The following HSF2BP variants were observed in gnomAD, a reference collection of about 807,000 sequenced individuals.
HSF2BP encodes the protein heat shock factor 2-binding protein.
A neutral mutation model predicts 35.0 loss-of-function variants in HSF2BP; 35 were observed. The observed-to-expected ratio is 1.00, with a 90% CI of 0.76 to 1.32. HSF2BP has a LOEUF of 1.32. Among genes scored for constraint, HSF2BP ranks in the 40% most tolerant of loss-of-function variants. The pLI is 0.00. For missense variants in HSF2BP, 326 were observed against 321.7 expected (o/e 1.01, Z -0.10); for synonymous variants, 114 against 117.4 (o/e 0.97, Z 0.18).
At position 43,656,749 on chromosome 21, in the gene HSF2BP, A is replaced by G. The variant is rs772229059; in HGVS notation, c.37-12T>C. ...TTAGTTCCCATGTGCTAAAAGAACA[A>G]GCAGATCTTATTATATTTCTCTTCA... On this transcript the variant is annotated splice_polypyrimidine_tract_variant and intron_variant, in intron 2 of 8. Coordinates refer to ENST00000291560, the MANE Select transcript of HSF2BP (RefSeq NM_007031.2). The G allele has an allele frequency of 3.4e-5, 54 of 1,600,756 alleles. No individual in the cohort carries two copies. Among genetic ancestry groups the G allele is most frequent in the Non-Finnish European group, 4.5e-5 (53 of 1,176,064 alleles).
chr21:43,591,835 T>A (rs1291233217), intron 8 of HSF2BP, among the ~76,000 whole-genome samples: 3 of 152,210 alleles, frequency 2.0e-5, no homozygotes, highest in African/African-American at 2.4e-5. Flanking sequence ...GGGACATGAA[T>A]CATCCCTTTG....
At chr21:43,624,491 G>T (rs2082366621) in intron 6 of HSF2BP, among the ~76,000 whole-genome samples, 1 of 152,156 alleles carries the variant, frequency 6.6e-6, no homozygotes, top group South Asian at 2.1e-4. Context: ...GGCCTTTTCT[G>T]CACGCCACAC....
chr21:43,632,561 G>A (rs1362946685), intron 5 of HSF2BP, among the ~76,000 whole-genome samples: 1 of 152,032 alleles, frequency 6.6e-6, no homozygotes, highest in Non-Finnish European at 1.5e-5. Context: ...ATTTTCTTCA[G>A]TAAAAGTTAC....
At chr21:43,571,839 T>C (rs1182422139) in intron 8 of HSF2BP, among the ~76,000 whole-genome samples, 1 of 137,644 alleles carries the variant, frequency 7.3e-6, no homozygotes, top group African/African-American at 2.8e-5. Flanking sequence ...TCATGGACCC[T>C]GACCAGAGCC....
intron 7 of HSF2BP, among the ~76,000 whole-genome samples, chr21:43,612,966 A>G (rs2082227428): frequency 6.6e-6 from 1 of 152,170 alleles, no homozygotes. Flanking sequence ...ATTGCCTGGA[A>G]AAGAGGATTC....
At chr21:43,656,776 A>G (rs746041752) in intron 2 of HSF2BP, 39 bp from the exon 3 acceptor site, 4 of 1,569,196 alleles carry the variant, frequency 2.5e-6, no homozygotes, top group African/African-American at 1.4e-5. Flanking sequence ...TTCTCTTCAC[A>G]TGAGAAAAAA....
chr21:43,644,816 T>C (rs1198628232), intron 3 of HSF2BP, among the ~76,000 whole-genome samples: 1 of 152,200 alleles, frequency 6.6e-6, no homozygotes, highest in East Asian at 1.9e-4. Flanking sequence ...ACAAAGCTAG[T>C]GTCACCCACT....
chr21:43,587,908 T>G (rs2081875977), intron 8 of HSF2BP, among the ~76,000 whole-genome samples: 1 of 152,072 alleles, frequency 6.6e-6, no homozygotes, highest in South Asian at 2.1e-4. Flanking sequence ...CCCGGAAACT[T>G]CCGGAGGACC....
At position 43,618,267 on chromosome 21, in the gene HSF2BP, AAAAG is replaced by A. The variant is rs1256002781; in HGVS notation, c.575-4324_575-4321del. Among the ~76,000 whole-genome samples, 17 of 152,254 alleles carry A rather than the reference AAAAG, an allele frequency of 1.1e-4. No individual in the cohort carries two copies. In the South Asian group the frequency reaches 3.5e-3, roughly 32 times the overall value. On this transcript the variant is annotated intron_variant, in intron 6 of 8. Coordinates refer to ENST00000291560, the MANE Select transcript of HSF2BP (RefSeq NM_007031.2). ...TAAAGTGAGACCCCATTTAAAAAAA[AAAAG>A]AATCTGGTGTCAATTATTTGTGCTG...
intron 6 of HSF2BP, among the ~76,000 whole-genome samples, chr21:43,617,628 T>A (rs1211040831): frequency 6.6e-6 from 1 of 151,954 alleles, no homozygotes; most frequent in Non-Finnish European, 1.5e-5. Flanking sequence ...TGCTTATAGG[T>A]AATTCTAGAG....
intron 4 of HSF2BP, among the ~76,000 whole-genome samples, chr21:43,634,270 G>A (rs1481312448): frequency 6.6e-6 from 1 of 152,140 alleles, no homozygotes; most frequent in East Asian, 1.9e-4. Context: ...TGGCCCTCCT[G>A]ACAACACAAG....
chr21:43,610,880 T>C (rs2082195806), intron 7 of HSF2BP, among the ~76,000 whole-genome samples: 1 of 152,132 alleles, frequency 6.6e-6, no homozygotes, highest in African/African-American at 2.4e-5. Flanking sequence ...ACTACGGCAT[T>C]ATATTTGTCA....
intron 8 of HSF2BP, among the ~76,000 whole-genome samples, chr21:43,587,665 C>CAAAA (rs11292342): frequency 3.8e-5 from 3 of 79,072 alleles, no homozygotes; most frequent in Non-Finnish European, 7.4e-5. Context: ...AATTCTGTCT[C>CAAAA]AAAAAAAAAA....
intron 3 of HSF2BP, among the ~76,000 whole-genome samples, chr21:43,653,967 G>C (rs1260828719): frequency 6.6e-6 from 1 of 152,136 alleles, no homozygotes; most frequent in African/African-American, 2.4e-5. Context: ...AGGCAGGCCA[G>C]TGTAAGACAG....
chr21:43,657,555 G>A (rs896283905), intron 2 of HSF2BP, among the ~76,000 whole-genome samples: 2 of 152,324 alleles, frequency 1.3e-5, no homozygotes, highest in African/African-American at 2.4e-5. Context: ...ATTAAGGCAC[G>A]GGAGCTAGAT....
At chr21:43,625,253 C>G (rs966792119) in intron 6 of HSF2BP, among the ~76,000 whole-genome samples, 1 of 152,038 alleles carries the variant, frequency 6.6e-6, no homozygotes, top group African/African-American at 2.4e-5. Context: ...GCCAACCAAT[C>G]TGAAAAATGA....
At chr21:43,598,097 A>G (rs1449954300) in intron 7 of HSF2BP, among the ~76,000 whole-genome samples, 3 of 152,228 alleles carry the variant, frequency 2.0e-5, no homozygotes, top group African/African-American at 7.2e-5. Flanking sequence ...TCTACTGAAA[A>G]GTGAATCAAC....
chr21:43,572,763 GAAACAC>G (rs1176628393), intron 8 of HSF2BP, among the ~76,000 whole-genome samples: 1 of 152,226 alleles, frequency 6.6e-6, no homozygotes, highest in African/African-American at 2.4e-5. Context: ...AGAGCCCTCT[GAAACAC>G]ACACACATTT....
chr21:43,639,348 G>C (rs890845980), intron 4 of HSF2BP, among the ~76,000 whole-genome samples: 3 of 152,172 alleles, frequency 2.0e-5, no homozygotes, highest in African/African-American at 7.2e-5. Flanking sequence ...AAGAACCTGT[G>C]AAGATGAAAA....
Sources: gnomAD v4.1 joint callset for allele counts (sites outside exome capture counted in the v4.1 genomes callset) on GRCh38, gnomAD v4.1.1 for gene constraint, MANE v1.5 for transcripts, NCBI Gene and HGNC (gene_info 2026-07-23, HGNC 2026-07-21) for gene names.